KIF11: variants seen among roughly 807,000 people sequenced by gnomAD.
KIF11 encodes the protein kinesin family member 11.
In KIF11, 9 loss-of-function variants were observed where a neutral mutation model predicts 121.0. The observed-to-expected ratio is 0.07, with a 90% CI of 0.04 to 0.13. The LOEUF (loss-of-function observed/expected upper bound fraction) is 0.13. Ranked by LOEUF, KIF11 falls within the 10% of genes least tolerant of loss-of-function variation. The pLI is 1.00. For synonymous variants in KIF11, 408 were observed against 421.0 expected, an observed-to-expected ratio of 0.97 and a Z score of 0.38; for missense variants, 846 against 1,217.5, an observed-to-expected ratio of 0.69 and a Z score of 4.54.
chr10:92,645,769 A>T, intron 18 of KIF11, 127 bp downstream of exon 18: 1 of 698,962 alleles, frequency 1.4e-6, no homozygotes, highest in Non-Finnish European at 2.3e-6. Flanking sequence ...TTTTAAGTAT[A>T]ATATTTGGTA....
At chr10:92,636,232 C>A (rs1355014424) in intron 14 of KIF11, among the ~76,000 whole-genome samples, 1 of 152,092 alleles carries the variant, frequency 6.6e-6, no homozygotes, top group Non-Finnish European at 1.5e-5. Flanking sequence ...TTAAAATATA[C>A]CTGTAGGTTT....
Position 92,613,029 on chromosome 10 carries a change from T to C in KIF11, c.699-11T>C, listed in dbSNP as rs1473261580. 11 of 1,521,104 alleles carry C rather than the reference T, an allele frequency of 7.2e-6. No homozygotes were observed. The highest frequency in any genetic ancestry group is 9.1e-6 in the Non-Finnish European group (10 of 1,102,236). 94.2% of individuals were successfully genotyped at this position (1,521,104 alleles called of 1,614,324 possible). On this transcript the variant is annotated splice_polypyrimidine_tract_variant and intron_variant, in intron 6 of 21. Coordinates refer to ENST00000260731, the MANE Select transcript of KIF11 (RefSeq NM_004523.4). The surrounding 1 kb of genome is among the most constrained non-coding windows in gnomAD (Gnocchi z 4.2). ...ATTATAATGACTGGGCAACTTGATA[T>C]TGTTTTCTAGTCGTTCCCACTCAGT...
chr10:92,649,829 T>A lies in KIF11; in HGVS notation c.2771-6T>A, dbSNP rs75876570. The A allele has an allele frequency of 5.4e-3, 8,527 of 1,588,138 alleles. 43 individuals are homozygous for A. The highest frequency in any genetic ancestry group is 0.019 in the Middle Eastern group (111 of 5,978). On this transcript the variant is annotated splice_region_variant and splice_polypyrimidine_tract_variant and intron_variant, in intron 19 of 21. Transcript: ENST00000260731. ...ATTTTTACCTCTTATCTAATGTCCGTTAAAGGTACGACACCACAGAGGAAA... is the reference window on the plus strand; with the variant it reads ...ATTTTTACCTCTTATCTAATGTCCGATAAAGGTACGACACCACAGAGGAAA...
chr10:92,645,767 A>G lies in KIF11; in HGVS notation c.2547+125A>G, dbSNP rs1844911980. On this transcript the variant is annotated intron_variant, in intron 18 of 21. Coordinates refer to ENST00000260731, the MANE Select transcript of KIF11 (RefSeq NM_004523.4). The stretch of plus-strand genomic sequence containing the variant: ...GCTATAATGACTTAAACTTTTAAGT[A>G]TAATATTTGGTATGCTTACAGATGA... 9 of 733,526 alleles carry G rather than the reference A, an allele frequency of 1.2e-5. No homozygotes were observed. In the East Asian group the frequency reaches 1.6e-4, roughly 13 times the overall value. The allele number at this position is 733,526 out of a possible 1,614,324, so 45.4% of individuals were successfully genotyped here. A position where few individuals can be genotyped will look rare whatever the true frequency, so the allele number is the denominator to read the frequency against.
chr10:92,594,158 T>C (rs1331687734), intron 1 of KIF11, among the ~76,000 whole-genome samples: 1 of 152,250 alleles, frequency 6.6e-6, no homozygotes, highest in Non-Finnish European at 1.5e-5. Context: ...TTTTAGAGGC[T>C]CTCCACAGTT....
In KIF11 at chr10:92,593,370, A is replaced by G; in HGVS notation, c.-6A>G. On this transcript the variant is annotated 5_prime_UTR_variant, in exon 1 of 22. Coordinates refer to ENST00000260731, the MANE Select transcript of KIF11 (RefSeq NM_004523.4). ...GCCGGGCCTTGATTTTTTGGCGGGG[A>G]CCGTCATGGCGTCGCAGCCAAATTC... 6.2e-7 allele frequency: 1 copy of G among 1,605,258 alleles called. No homozygotes were observed. Among genetic ancestry groups the G allele is most frequent in the Non-Finnish European group, 8.5e-7 (1 of 1,176,636 alleles).
At chr10:92,644,278 T>C (rs187269636) in intron 17 of KIF11, among the ~76,000 whole-genome samples, 1 of 152,324 alleles carries the variant, frequency 6.6e-6, no homozygotes, top group African/African-American at 2.4e-5. Flanking sequence ...ATAGTACTTT[T>C]AACTCAATCT....
intron 9 of KIF11, among the ~76,000 whole-genome samples, chr10:92,618,107 C>T (rs933169220): frequency 6.6e-6 from 1 of 152,072 alleles, no homozygotes; most frequent in Non-Finnish European, 1.5e-5. Context: ...TGCTTATTAT[C>T]TATTTGTTTA....
At chr10:92,645,755 A>T (rs368886313) in intron 18 of KIF11, 113 bp downstream of exon 18, 110 of 838,790 alleles carry the variant, frequency 1.3e-4, no homozygotes, top group Non-Finnish European at 1.4e-4. Flanking sequence ...ATAATGACTT[A>T]AACTTTTAAG....
chr10:92,650,231 A>G (rs1409580521), intron 20 of KIF11, among the ~76,000 whole-genome samples, 170 bp from the exon 21 acceptor site: 2 of 152,234 alleles, frequency 1.3e-5, no homozygotes, highest in Non-Finnish European at 2.9e-5. Context: ...TACTCTCTAT[A>G]AAAATATATT....
rs3835295 is a variant in KIF11 at position 92,609,266 on chromosome 10, C to CAG, written c.574-82_574-81dup. ...TTTAATGTGTGAGGCTTTGAGAAGT[C>CAG]AGAGAGAGAGAGAGAGAGAGAGAGA... On this transcript the variant is annotated intron_variant, in intron 5 of 21. Coordinates refer to ENST00000260731, the MANE Select transcript of KIF11 (RefSeq NM_004523.4). 6.3e-3 allele frequency: 4,672 copies of CAG among 746,006 alleles called. 18 individuals are homozygous for CAG. Among genetic ancestry groups the CAG allele is most frequent in the Non-Finnish European group, 7.1e-3 (3,541 of 497,230 alleles). The allele number at this position is 746,006 out of a possible 1,614,324, so 46.2% of individuals were successfully genotyped here.
At chr10:92,648,513 A>AT (rs1844945429) in intron 19 of KIF11, 79 bp downstream of exon 19, 2 of 869,908 alleles carry the variant, frequency 2.3e-6, no homozygotes, top group Non-Finnish European at 3.5e-6. Flanking sequence ...GTTCAGAAAA[A>AT]TTAGGTCCTG....
Position 92,593,229 on chromosome 10 carries a change from C to G in KIF11, c.-147C>G, listed in dbSNP as rs1455406112. 4.3e-6 allele frequency: 3 copies of G among 694,582 alleles called. No homozygotes were observed. The African/African-American group carries it at 5.5e-5, about 13-fold the overall frequency. The allele number at this position is 694,582 out of a possible 1,614,324, so 43.0% of individuals were successfully genotyped here. On this transcript the variant is annotated 5_prime_UTR_variant, in exon 1 of 22. Coordinates refer to ENST00000260731, the MANE Select transcript of KIF11 (RefSeq NM_004523.4). ...CAGAGTACCGGGTAGAGAGCGGGGA[C>G]GCCGACCTGCGTGCGTCGGTCCTCC...
chr10:92,647,467 G>T (rs1011911515), intron 18 of KIF11, among the ~76,000 whole-genome samples: 4 of 152,102 alleles, frequency 2.6e-5, no homozygotes, highest in African/African-American at 9.7e-5. Flanking sequence ...TAAGACCTAT[G>T]AACCAAATCT....
Position 92,613,171 on chromosome 10 carries a change from C to T in KIF11, c.789+41C>T. Reference sequence around the variant, plus strand: ...AATACTACTGTTTCACTCTTAAACACCTTATAGAGCAGCTTGAAATTTTGT... The same window carrying T: ...AATACTACTGTTTCACTCTTAAACATCTTATAGAGCAGCTTGAAATTTTGT... On this transcript the variant is annotated intron_variant, in intron 7 of 21. Transcript: ENST00000260731. This position sits in a 1 kb window ranked among gnomAD's most constrained non-coding sequence, Gnocchi z 4.2. 1.4e-6 allele frequency: 2 copies of T among 1,437,930 alleles called. No homozygotes were observed. The highest frequency in any genetic ancestry group is 2.4e-5 in the South Asian group (2 of 82,312). The allele number at this position is 1,437,930 out of a possible 1,614,324, so 89.1% of individuals were successfully genotyped here.
At chr10:92,639,054 G>C (rs993792655) in intron 16 of KIF11, among the ~76,000 whole-genome samples, 7 of 152,104 alleles carry the variant, frequency 4.6e-5, no homozygotes, top group African/African-American at 1.7e-4. Flanking sequence ...GATCCAACTA[G>C]GTTCTGTAAC....
At chr10:92,639,060 G>A (rs1394451046) in intron 16 of KIF11, among the ~76,000 whole-genome samples, 2 of 152,150 alleles carry the variant, frequency 1.3e-5, no homozygotes, top group Admixed American at 6.5e-5. Context: ...ACTAGGTTCT[G>A]TAACATTTTT....
chr10:92,641,471 T>C (rs1844865474), intron 17 of KIF11, among the ~76,000 whole-genome samples: 1 of 152,240 alleles, frequency 6.6e-6, no homozygotes, highest in South Asian at 2.1e-4. Flanking sequence ...ATTATTTTTT[T>C]CCAGCATTTG....
intron 16 of KIF11, among the ~76,000 whole-genome samples, 168 bp downstream of exon 16, chr10:92,637,713 A>C (rs1844822678): frequency 6.6e-6 from 1 of 152,252 alleles, no homozygotes; most frequent in Non-Finnish European, 1.5e-5. Flanking sequence ...ACAATTGAGA[A>C]TACTTCTCTT....
Sources: allele counts gnomAD v4.1 joint callset (sites outside exome capture counted in the v4.1 genomes callset), GRCh38; gene constraint gnomAD v4.1.1; non-coding constraint Gnocchi (gnomAD v3.1); transcripts MANE v1.5; gene names NCBI Gene and HGNC (gene_info 2026-07-23, HGNC 2026-07-21).